The following SRP54 variants were observed in gnomAD, a reference collection of about 807,000 sequenced individuals.
The protein encoded by SRP54 is signal recognition particle subunit SRP54.
In SRP54, 10 loss-of-function variants were observed where a neutral mutation model predicts 64.8. The observed-to-expected ratio is 0.15, with a 90% CI of 0.10 to 0.26. The LOEUF is 0.26. Ranked by LOEUF, SRP54 falls within the 10% of genes least tolerant of loss-of-function variation. SRP54 has a pLI of 1.00. For missense variants in SRP54, 325 were observed against 613.7 expected, an observed-to-expected ratio of 0.53 and a Z score of 4.97; for synonymous variants, 193 against 185.6, an observed-to-expected ratio of 1.04 and a Z score of -0.32.
intron 5 of SRP54, among the ~76,000 whole-genome samples, chr14:35,007,874 G>GT (rs1297072641): frequency 6.7e-6 from 1 of 149,892 alleles, no homozygotes; most frequent in African/African-American, 2.4e-5. Flanking sequence ...TTTTTAAATA[G>GT]TTTTTTTTAG....
rs2044078546 is a variant in SRP54, at chr14:34,996,742, A to G, written c.33A>G (p.Thr11=). MVLADLGRKI[T]SALRSLSNAT... is the part of the protein sequence containing the mutation. ...TAGCAGACCTTGGAAGAAAAATAAC[A>G]TCAGCATTACGCTCGTTGAGCAATG... The change falls in exon 2 of 16, where the codon ACA becomes ACG. Residue 11 remains threonine (T), a synonymous_variant. Coordinates refer to ENST00000216774, the MANE Select transcript of SRP54 (RefSeq NM_003136.4). 6 of 1,613,584 alleles carry G rather than the reference A, an allele frequency of 3.7e-6. No homozygotes were observed. The Admixed American group carries it at 8.3e-5, about 22-fold the overall frequency.
chr14:35,019,958 G>A (rs1041849029), intron 13 of SRP54, among the ~76,000 whole-genome samples: 4 of 152,224 alleles, frequency 2.6e-5, no homozygotes, highest in Admixed American at 2.0e-4. Context: ...TGAGGCGGGC[G>A]GATCACCTGA....
rs1333788526 is a variant in SRP54 at position 35,007,686 on chromosome 14, TAC to T, written c.360+301_360+302del. ...AAAATAGATTTTATTAAAATATATT[TAC>T]ATAAAATAGATTTTATTAAAATATA... On this transcript the variant is annotated intron_variant, in intron 5 of 15. Coordinates refer to ENST00000216774, the MANE Select transcript of SRP54 (RefSeq NM_003136.4). Among the ~76,000 whole-genome samples the T allele has an allele frequency of 3.2e-3, 408 of 125,768 alleles. 1 individual carries two copies. The highest frequency in any genetic ancestry group is 8.3e-3 in the Middle Eastern group (2 of 242). 82.5% of individuals were successfully genotyped at this position (125,768 alleles called of 152,430 possible). A position where few individuals can be genotyped will look rare whatever the true frequency, so the allele number is the denominator to read the frequency against.
chr14:34,998,626 A>T (rs1042660549), intron 2 of SRP54, among the ~76,000 whole-genome samples: 2 of 152,026 alleles, frequency 1.3e-5, no homozygotes, highest in African/African-American at 2.4e-5. Context: ...AGCCTGGCCA[A>T]CATAGTGAAA....
At chr14:34,989,267 A>G (rs2043948768) in intron 1 of SRP54, among the ~76,000 whole-genome samples, 1 of 152,154 alleles carries the variant, frequency 6.6e-6, no homozygotes, top group South Asian at 2.1e-4. Flanking sequence ...GCACTTTGGG[A>G]GGCCACGGTG....
In SRP54 at chr14:34,993,701, ATTT is replaced by A. The variant is rs764615526; in HGVS notation, c.-33-2975_-33-2973del. 4.6e-3 allele frequency among the ~76,000 whole-genome samples: 695 copies of A among 151,908 alleles called. 12 individuals carry two copies. Among genetic ancestry groups the A allele is most frequent in the African/African-American group, 0.015 (634 of 41,472 alleles). On this transcript the variant is annotated intron_variant, in intron 1 of 15. Transcript: ENST00000216774. ...TGTCTTAAAATTAATTAATTAATTTATTTATTTATTGAGATGGAGTTTCACTCT... is the reference window on the plus strand; with the variant it reads ...TGTCTTAAAATTAATTAATTAATTTAATTTATTGAGATGGAGTTTCACTCT...
intron 4 of SRP54, among the ~76,000 whole-genome samples, chr14:35,006,446 A>G (rs1566648935): frequency 1.3e-5 from 2 of 152,362 alleles, no homozygotes; most frequent in South Asian, 2.1e-4. Context: ...GATGTGTTTT[A>G]CATATAAAAT....
chr14:35,012,618 C>A (rs2139006026), intron 8 of SRP54, among the ~76,000 whole-genome samples: 1 of 152,268 alleles, frequency 6.6e-6, no homozygotes. Flanking sequence ...GATTGCCATT[C>A]TTTCAAATCT....
intron 13 of SRP54, among the ~76,000 whole-genome samples, chr14:35,021,475 C>CA (rs1183936282): frequency 6.6e-6 from 1 of 151,606 alleles, no homozygotes; most frequent in Non-Finnish European, 1.5e-5. Flanking sequence ...ACTAAAAGTA[C>CA]AAAAAAAATT....
intron 1 of SRP54, among the ~76,000 whole-genome samples, chr14:34,991,471 TATAA>T (rs2043978485): frequency 6.6e-6 from 1 of 151,524 alleles, no homozygotes; most frequent in South Asian, 2.1e-4. Flanking sequence ...TGACAAATAA[TATAA>T]ATAAGCCATA....
At chr14:35,017,016 G>A (rs969040222) in intron 11 of SRP54, among the ~76,000 whole-genome samples, 2 of 151,858 alleles carry the variant, frequency 1.3e-5, no homozygotes, top group Non-Finnish European at 2.9e-5. Context: ...TGCCACGCCC[G>A]GCTAATTTTT....
intron 8 of SRP54, 85 bp from the exon 9 acceptor site, chr14:35,013,261 A>C: frequency 7.5e-7 from 1 of 1,337,698 alleles, no homozygotes; most frequent in Non-Finnish European, 1.0e-6. Context: ...GGCTCTAAAT[A>C]TTGTTTTATA....
At chr14:35,001,132 T>C (rs1337432017) in intron 4 of SRP54, 112 bp downstream of exon 4, 1 of 403,062 alleles carries the variant, frequency 2.5e-6, no homozygotes, top group Non-Finnish European at 4.2e-6. Flanking sequence ...TATTCATCTG[T>C]ATTAAAATAT....
At chr14:35,026,874 C>T (rs977602009) in intron 14 of SRP54, among the ~76,000 whole-genome samples, 148 of 152,004 alleles carry the variant, frequency 9.7e-4, no homozygotes, top group African/African-American at 3.3e-3. Context: ...ACCCGGGAGG[C>T]GGGGGTTGCA....
At chr14:35,015,410 A>C (rs1160671274) in intron 11 of SRP54, among the ~76,000 whole-genome samples, 1 of 152,206 alleles carries the variant, frequency 6.6e-6, no homozygotes, top group Non-Finnish European at 1.5e-5. Flanking sequence ...AAAGTAAGTT[A>C]GAACACAAGG....
At chr14:35,005,655 C>A (rs555746496) in intron 4 of SRP54, among the ~76,000 whole-genome samples, 1 of 152,104 alleles carries the variant, frequency 6.6e-6, no homozygotes, top group African/African-American at 2.4e-5. Context: ...TTTGTCCCCC[C>A]GCTGAAAGGG....
chr14:34,997,040 A>C, intron 2 of SRP54: 1 of 371,904 alleles, frequency 2.7e-6, no homozygotes, highest in Non-Finnish European at 4.8e-6. Flanking sequence ...TACATGTAAA[A>C]ATAACATATT....
At chr14:35,007,142 C>T (rs1378252462) in intron 4 of SRP54, 141 bp from the exon 5 acceptor site, 2 of 408,692 alleles carry the variant, frequency 4.9e-6, no homozygotes, top group Non-Finnish European at 9.0e-6. Flanking sequence ...GCAGTGAGCT[C>T]TGATTATGCC....
rs145307640 is a variant in SRP54, at chr14:35,016,840, C to CTTTTTTTTTT, written c.974-1848_974-1847insTTTTTTTTTT. Among the ~76,000 whole-genome samples the CTTTTTTTTTT allele has an allele frequency of 5.7e-3, 407 of 71,388 alleles. 7 individuals carry two copies. Among genetic ancestry groups the CTTTTTTTTTT allele is most frequent in the Non-Finnish European group, 6.5e-3 (215 of 33,076 alleles). 46.8% of individuals were successfully genotyped at this position (71,388 alleles called of 152,430 possible). ...GCCTGTCTCTTTGCCCCTTTTTTTT[C>CTTTTTTTTTT]TTTTCTTTTTTTTTTTTTTTCTTCT... is the stretch of plus-strand genomic sequence containing the variant. On this transcript the variant is annotated intron_variant, in intron 11 of 15. Transcript: ENST00000216774.
Sources: gnomAD v4.1 joint callset for allele counts (sites outside exome capture counted in the v4.1 genomes callset) on GRCh38, gnomAD v4.1.1 for gene constraint, MANE v1.5 for transcripts, NCBI Gene and HGNC (gene_info 2026-07-23, HGNC 2026-07-21) for gene names.